The following SNX13 variants were observed in gnomAD, a reference collection of about 807,000 sequenced individuals.
SNX13 encodes the protein sorting nexin 13, also known as sorting nexin-13.
Under a neutral mutation model 133.6 loss-of-function variants are expected in SNX13, and 45 were observed. The ratio of observed to expected loss-of-function variants is 0.34; its 90% CI spans 0.27 to 0.43. The LOEUF (loss-of-function observed/expected upper bound fraction) is 0.43, where lower values mean the gene tolerates loss of function less well. Ranked by LOEUF, SNX13 falls within the 20% of genes least tolerant of loss-of-function variation. The pLI is 1.00. For missense variants in SNX13, 1,032 were observed against 1,145.1 expected, an observed-to-expected ratio of 0.90 and a Z score of 1.43; for synonymous variants, 414 against 373.9, an observed-to-expected ratio of 1.11 and a Z score of -1.24.
intron 17 of SNX13, among the ~76,000 whole-genome samples, chr7:17,825,398 A>G (rs1003003574): frequency 2.6e-5 from 4 of 152,168 alleles, no homozygotes; most frequent in African/African-American, 9.6e-5. Context: ...ATGTAATATG[A>G]CAAACACACT....
intron 20 of SNX13, among the ~76,000 whole-genome samples, chr7:17,811,108 T>C (rs180860404): frequency 3.9e-5 from 6 of 152,272 alleles, no homozygotes; most frequent in African/African-American, 1.4e-4. Flanking sequence ...ATACCCTCTC[T>C]CACCACTCCT....
intron 5 of SNX13, among the ~76,000 whole-genome samples, chr7:17,876,899 C>A (rs1794786530): frequency 6.6e-6 from 1 of 150,496 alleles, no homozygotes; most frequent in African/African-American, 2.5e-5. Flanking sequence ...AGGAACATAC[C>A]AAGTAGATAG....
intron 1 of SNX13, among the ~76,000 whole-genome samples, chr7:17,914,568 C>T (rs1267601325): frequency 6.6e-6 from 1 of 152,100 alleles, no homozygotes; most frequent in Non-Finnish European, 1.5e-5. Context: ...GACAGGGGGC[C>T]CATTTTAAGC....
intron 20 of SNX13, among the ~76,000 whole-genome samples, chr7:17,805,272 T>TGCAC (rs1562664007): frequency 2.5e-5 from 2 of 80,754 alleles, no homozygotes; most frequent in Non-Finnish European, 6.0e-5. Context: ...CGCGCATGCA[T>TGCAC]GCACATGTGT....
chr7:17,908,429 G>A (rs1798615020), intron 1 of SNX13, among the ~76,000 whole-genome samples: 1 of 152,092 alleles, frequency 6.6e-6, no homozygotes, highest in Non-Finnish European at 1.5e-5. Flanking sequence ...TCTCTAGGAT[G>A]GATTACTTTT....
intron 8 of SNX13, among the ~76,000 whole-genome samples, chr7:17,872,408 T>G (rs1041830530): frequency 6.6e-5 from 10 of 152,212 alleles, no homozygotes; most frequent in Admixed American, 3.3e-4. Context: ...CAGATTATTA[T>G]GCCAAATGGA....
At chr7:17,812,330 G>C (rs1432630528) in intron 20 of SNX13, among the ~76,000 whole-genome samples, 2 of 152,134 alleles carry the variant, frequency 1.3e-5, no homozygotes, top group Non-Finnish European at 2.9e-5. Context: ...ATCAGAAAGT[G>C]GGCGAACGAT....
At chr7:17,862,092 C>G (rs892768837) in intron 9 of SNX13, among the ~76,000 whole-genome samples, 4 of 152,104 alleles carry the variant, frequency 2.6e-5, no homozygotes, top group Admixed American at 6.6e-5. Flanking sequence ...TTACTATATA[C>G]GTAATTACAG....
At chr7:17,805,258 C>T (rs577771974) in intron 20 of SNX13, among the ~76,000 whole-genome samples, 1,649 of 80,204 alleles carry the variant, frequency 0.021, 23 homozygotes, top group African/African-American at 0.051. Flanking sequence ...TGTGCGTGCG[C>T]GCGCGCGCAT....
intron 20 of SNX13, among the ~76,000 whole-genome samples, chr7:17,809,091 A>G (rs1023377045): frequency 1.3e-5 from 2 of 152,152 alleles, no homozygotes; most frequent in African/African-American, 4.8e-5. Flanking sequence ...GACAGGATCA[A>G]ATTCACACAT....
chr7:17,832,728 A>C (rs1204492788), intron 15 of SNX13, among the ~76,000 whole-genome samples: 1 of 151,502 alleles, frequency 6.6e-6, no homozygotes, highest in East Asian at 1.9e-4. Context: ...TAATTATGCA[A>C]TCAAAATCAG....
At chr7:17,865,933 C>T (rs913631948) in intron 9 of SNX13, among the ~76,000 whole-genome samples, 1 of 152,056 alleles carries the variant, frequency 6.6e-6, no homozygotes. Context: ...AACTGGATAT[C>T]GATACGCAGA....
At chr7:17,925,035 C>A (rs1196746015) in intron 1 of SNX13, among the ~76,000 whole-genome samples, 1 of 152,116 alleles carries the variant, frequency 6.6e-6, no homozygotes, top group Non-Finnish European at 1.5e-5. Flanking sequence ...TGGTTGAAAC[C>A]CCATTTCTAC....
At chr7:17,855,109 C>T (rs1037327174) in intron 9 of SNX13, among the ~76,000 whole-genome samples, 1 of 152,182 alleles carries the variant, frequency 6.6e-6, no homozygotes, top group African/African-American at 2.4e-5. Flanking sequence ...GAAAATCACA[C>T]CAGACACAAC....
chr7:17,890,996 T>C (rs1583647031), intron 4 of SNX13, among the ~76,000 whole-genome samples: 3 of 152,008 alleles, frequency 2.0e-5, no homozygotes, highest in Admixed American at 6.5e-5. Flanking sequence ...AGACAATAAA[T>C]AGTACATAAT....
At chr7:17,794,792 G>C (rs1783874597) in intron 25 of SNX13, 2 of 151,570 alleles carry the variant, frequency 1.3e-5, no homozygotes, top group Non-Finnish European at 3.0e-5. Context: ...ATCCATGATG[G>C]TGAATAAAGT....
chr7:17,857,513 G>A (rs1333989948), intron 9 of SNX13, among the ~76,000 whole-genome samples: 8 of 152,052 alleles, frequency 5.3e-5, no homozygotes, highest in African/African-American at 1.2e-4. Flanking sequence ...GGCCAGGTGC[G>A]GTGGCTCACA....
At chr7:17,831,440 G>C in intron 15 of SNX13, 8 of 923,380 alleles carry the variant, frequency 8.7e-6, no homozygotes, top group Non-Finnish European at 1.0e-5. Flanking sequence ...AAAGAGAAAG[G>C]GCAAAGGAAG....
intron 11 of SNX13, 141 bp from the exon 12 acceptor site, chr7:17,845,835 T>C (rs1246420479): frequency 1.7e-5 from 9 of 517,056 alleles, no homozygotes; most frequent in South Asian, 1.1e-4. Context: ...TGTTTCCCAA[T>C]AGATATACAT....
Sources: allele counts gnomAD v4.1 joint callset (sites outside exome capture counted in the v4.1 genomes callset), GRCh38; gene constraint gnomAD v4.1.1; transcripts MANE v1.5; gene names NCBI Gene and HGNC (gene_info 2026-07-23, HGNC 2026-07-21).